Variants in CRACD observed in about 807,000 individuals in gnomAD.
CRACD encodes the protein capping protein inhibiting regulator of actin dynamics, also known as capping protein-inhibiting regulator of actin dynamics.
In CRACD, 56 loss-of-function variants were observed where a neutral mutation model predicts 106.8. The observed-to-expected ratio is 0.52, with a 90% CI of 0.42 to 0.66. The LOEUF (loss-of-function observed/expected upper bound fraction) is 0.66. Among genes scored for constraint, CRACD ranks in the 30% least tolerant of loss-of-function variants. CRACD has a pLI of 0.00. For missense variants in CRACD, 1,730 were observed against 1,623.2 expected (o/e 1.07, Z -1.13); for synonymous variants, 754 against 670.8 (o/e 1.12, Z -1.92).
At chr4:56,200,929 T>C (rs1490639952) in intron 2 of CRACD, among the ~76,000 whole-genome samples, 1 of 152,174 alleles carries the variant, frequency 6.6e-6, no homozygotes, top group African/African-American at 2.4e-5. Context: ...CACCACTAAT[T>C]TCAGAATTAA....
At chr4:56,142,865 TG>T (rs1475123884) in intron 1 of CRACD, among the ~76,000 whole-genome samples, 1 of 152,122 alleles carries the variant, frequency 6.6e-6, no homozygotes, top group African/African-American at 2.4e-5. Context: ...TAGATCTATT[TG>T]TGTATTTCCT....
chr4:56,206,783 A>C (rs1242086656), intron 2 of CRACD, among the ~76,000 whole-genome samples: 1 of 152,144 alleles, frequency 6.6e-6, no homozygotes, highest in East Asian at 1.9e-4. Flanking sequence ...AGTGTAACCA[A>C]AACTGAAGGC....
chr4:56,062,078 C>CT (rs1433540833), intron 1 of CRACD, among the ~76,000 whole-genome samples: 1 of 152,176 alleles, frequency 6.6e-6, no homozygotes, highest in Non-Finnish European at 1.5e-5. Context: ...TATCCTACTT[C>CT]TTTTTTCTCA....
At chr4:56,095,839 C>T (rs942067118) in intron 1 of CRACD, among the ~76,000 whole-genome samples, 1 of 152,140 alleles carries the variant, frequency 6.6e-6, no homozygotes, top group Non-Finnish European at 1.5e-5. Context: ...CTTGCTTATC[C>T]AGCTGAGGCT....
intron 1 of CRACD, among the ~76,000 whole-genome samples, chr4:56,149,316 T>C (rs776166430): frequency 3.3e-5 from 5 of 152,146 alleles, no homozygotes; most frequent in Non-Finnish European, 4.4e-5. Flanking sequence ...TAGAGTTAAA[T>C]AGGAGATGAA....
intron 1 of CRACD, chr4:56,050,063 C>A (rs1731822102): frequency 1.3e-5 from 2 of 151,288 alleles, no homozygotes; most frequent in African/African-American, 4.9e-5. Context: ...AAACAGAAGC[C>A]GACTTTGAAT....
intron 2 of CRACD, among the ~76,000 whole-genome samples, chr4:56,187,342 A>G (rs1737132223): frequency 6.6e-6 from 1 of 152,228 alleles, no homozygotes; most frequent in African/African-American, 2.4e-5. Flanking sequence ...AAAGATGAGA[A>G]GGTGCTTGCC....
At chr4:56,284,688 G>A (rs1042644677) in intron 3 of CRACD, among the ~76,000 whole-genome samples, 2 of 152,130 alleles carry the variant, frequency 1.3e-5, no homozygotes, top group African/African-American at 4.8e-5. Context: ...TGGTGCCACT[G>A]CACCCCAGCC....
intron 3 of CRACD, among the ~76,000 whole-genome samples, chr4:56,290,967 G>A (rs1443660423): frequency 2.0e-5 from 3 of 152,172 alleles, no homozygotes; most frequent in Non-Finnish European, 4.4e-5. Context: ...TTTACCATGC[G>A]TGCTTTGCAT....
intron 1 of CRACD, among the ~76,000 whole-genome samples, chr4:56,163,963 G>A (rs1437264638): frequency 6.6e-6 from 1 of 152,056 alleles, no homozygotes; most frequent in Non-Finnish European, 1.5e-5. Context: ...GCCCAGGCTG[G>A]TCTGGAGCTC....
intron 1 of CRACD, among the ~76,000 whole-genome samples, chr4:56,116,829 T>G (rs1346786873): frequency 6.6e-6 from 1 of 151,618 alleles, no homozygotes; most frequent in East Asian, 1.9e-4. Flanking sequence ...TGCCTCAGCC[T>G]CCCCAGTAGC....
At chr4:56,134,805 G>C (rs1443406679) in intron 1 of CRACD, among the ~76,000 whole-genome samples, 1 of 152,176 alleles carries the variant, frequency 6.6e-6, no homozygotes, top group African/African-American at 2.4e-5. Context: ...TAAGAATTCT[G>C]TATAGATCAG....
At chr4:56,316,808 G>A (rs1232240097) in intron 8 of CRACD, 119 bp downstream of exon 8, 3 of 1,295,902 alleles carry the variant, frequency 2.3e-6, no homozygotes, top group Middle Eastern at 2.7e-4. Flanking sequence ...TTTGAAAAAG[G>A]AAAGTTTTAT....
intron 1 of CRACD, among the ~76,000 whole-genome samples, chr4:56,137,213 G>A (rs1286865568): frequency 6.6e-6 from 1 of 151,832 alleles, no homozygotes; most frequent in Admixed American, 6.6e-5. Flanking sequence ...TCAAGGTTGC[G>A]GTGAGCTGGA....
At chr4:56,210,288 C>G (rs977860022) in intron 2 of CRACD, among the ~76,000 whole-genome samples, 1 of 152,084 alleles carries the variant, frequency 6.6e-6, no homozygotes, top group Non-Finnish European at 1.5e-5. Flanking sequence ...TAGGTAAACT[C>G]GTGACTTGGG....
chr4:56,110,092 A>G (rs1357302146), intron 1 of CRACD, among the ~76,000 whole-genome samples: 4 of 152,178 alleles, frequency 2.6e-5, no homozygotes. Flanking sequence ...AAGCTTTCAG[A>G]AAAAAAGGGG....
intron 2 of CRACD, among the ~76,000 whole-genome samples, chr4:56,201,439 T>C (rs144795254): frequency 4.0e-4 from 61 of 152,328 alleles, no homozygotes; most frequent in East Asian, 5.8e-4. Context: ...CTTTAGATGA[T>C]GCTCTTCCCT....
intron 1 of CRACD, among the ~76,000 whole-genome samples, chr4:56,070,064 C>T (rs962293883): frequency 6.6e-6 from 1 of 152,180 alleles, no homozygotes; most frequent in Non-Finnish European, 1.5e-5. Context: ...TGATTTCCTT[C>T]AGCTACACAA....
chr4:56,118,155 C>G (rs115325939), intron 1 of CRACD, among the ~76,000 whole-genome samples: 1 of 152,108 alleles, frequency 6.6e-6, no homozygotes, highest in Non-Finnish European at 1.5e-5. Context: ...ACAGAGGAGA[C>G]GAATGTAATG....
Sources: allele counts gnomAD v4.1 joint callset (sites outside exome capture counted in the v4.1 genomes callset), GRCh38; gene constraint gnomAD v4.1.1; transcripts MANE v1.5; gene names NCBI Gene and HGNC (gene_info 2026-07-23, HGNC 2026-07-21).